PRKCI: variants seen among roughly 807,000 people sequenced by gnomAD.
PRKCI encodes the protein protein kinase C iota.
Under a neutral mutation model 84.0 loss-of-function variants are expected in PRKCI, and 43 were observed. That is an observed-to-expected ratio of 0.51 (90% CI 0.40 to 0.66). PRKCI has a LOEUF of 0.66. PRKCI is among the 30% of genes least tolerant of loss of function. The pLI, the probability that PRKCI is intolerant of heterozygous loss-of-function variation, is 0.00. For missense variants in PRKCI, 459 were observed against 745.6 expected (o/e 0.62, Z 4.48); for synonymous variants, 216 against 234.4 (o/e 0.92, Z 0.72).
chr3:170,275,319 C>T (rs1406462781), intron 8 of PRKCI, 32 bp downstream of exon 8: 3 of 1,561,620 alleles, frequency 1.9e-6, no homozygotes, highest in Non-Finnish European at 1.7e-6. Context: ...TACATTATAT[C>T]ATTAGCTTTT....
At chr3:170,258,071 G>A (rs1733633372) in intron 2 of PRKCI, among the ~76,000 whole-genome samples, 1 of 152,048 alleles carries the variant, frequency 6.6e-6, no homozygotes, top group Non-Finnish European at 1.5e-5. Context: ...AAGATAAAAG[G>A]AAGTAGGGAT....
At chr3:170,226,356 T>C (rs579909) in intron 1 of PRKCI, among the ~76,000 whole-genome samples, 84,370 of 152,100 alleles carry the variant, frequency 0.55, 24,331 homozygotes, top group East Asian at 0.73. Context: ...GGCCTTCAGT[T>C]ATTACCTAGT....
At chr3:170,276,518 G>A (rs780658547) in intron 8 of PRKCI, among the ~76,000 whole-genome samples, 1 of 151,044 alleles carries the variant, frequency 6.6e-6, no homozygotes, top group Non-Finnish European at 1.5e-5. Flanking sequence ...GTGCAGTGGT[G>A]CAATGATGGC....
At chr3:170,252,136 C>G (rs950058240) in intron 2 of PRKCI, among the ~76,000 whole-genome samples, 4 of 151,546 alleles carry the variant, frequency 2.6e-5, no homozygotes, top group African/African-American at 9.7e-5. Flanking sequence ...ATGGCATGAA[C>G]TTGGGAGGCG....
chr3:170,297,163 G>T lies in PRKCI; in HGVS notation c.1498-141G>T, dbSNP rs539404278. On this transcript the variant is annotated intron_variant, in intron 15 of 17. Transcript: ENST00000295797. ...AAATAACTCAATTTGTTCTGGAGTT[G>T]TACTTTCTAGAAATAAAAGGTAGAC... 123 of 646,062 alleles carry T rather than the reference G, an allele frequency of 1.9e-4. 2 individuals are homozygous for T. In the Admixed American group the frequency reaches 2.6e-3, roughly 14 times the overall value. 40.0% of individuals were successfully genotyped at this position (646,062 alleles called of 1,614,324 possible).
At chr3:170,273,783 C>G (rs1734051944) in intron 7 of PRKCI, among the ~76,000 whole-genome samples, 1 of 148,686 alleles carries the variant, frequency 6.7e-6, no homozygotes, top group African/African-American at 2.5e-5. Context: ...CCACTGCACT[C>G]TAGCCTGGGT....
chr3:170,272,928 C>T (rs1734034607), intron 6 of PRKCI, among the ~76,000 whole-genome samples: 1 of 152,022 alleles, frequency 6.6e-6, no homozygotes. Flanking sequence ...TACCCCGGAC[C>T]CCAGCTAAAG....
At chr3:170,300,583 C>CAA (rs569208737) in intron 17 of PRKCI, among the ~76,000 whole-genome samples, 46 of 132,482 alleles carry the variant, frequency 3.5e-4, no homozygotes, top group African/African-American at 1.2e-3. Flanking sequence ...CTTAAAGCCT[C>CAA]AAAAAAAAAA....
intron 17 of PRKCI, among the ~76,000 whole-genome samples, chr3:170,301,540 A>G (rs1734819278): frequency 6.6e-6 from 1 of 152,072 alleles, no homozygotes; most frequent in South Asian, 2.1e-4. Context: ...AATTCTGCTC[A>G]CGGTGTGTCC....
Position 170,287,280 on chromosome 3 carries a change from G to A in PRKCI, c.1203+2684G>A, listed in dbSNP as rs548840010. On this transcript the variant is annotated intron_variant, in intron 12 of 17. Transcript: ENST00000295797. ...TGGGGCTGTAGTGAGCTGTAATCGC[G>A]CCACTGCACTCCAGTCTGGGTGACA... Among the ~76,000 whole-genome samples, 224 of 151,894 alleles carry A rather than the reference G, an allele frequency of 1.5e-3. 2 individuals are homozygous for A. The highest frequency in any genetic ancestry group is 4.6e-3 in the African/African-American group (190 of 41,434).
At chr3:170,297,761 C>T (rs995579351) in intron 16 of PRKCI, among the ~76,000 whole-genome samples, 5 of 151,088 alleles carry the variant, frequency 3.3e-5, no homozygotes, top group African/African-American at 9.7e-5. Context: ...CGGCCTATCT[C>T]GGGCCAAATT....
chr3:170,267,675 CAAAAA>C (rs1169448041), intron 4 of PRKCI, among the ~76,000 whole-genome samples: 7 of 52,962 alleles, frequency 1.3e-4, no homozygotes, highest in African/African-American at 4.5e-4. Flanking sequence ...TCCATCTCAC[CAAAAA>C]AAAAAAAAAA....
intron 2 of PRKCI, among the ~76,000 whole-genome samples, chr3:170,242,424 G>C (rs1271881500): frequency 2.0e-5 from 3 of 148,504 alleles, no homozygotes; most frequent in Admixed American, 2.0e-4. Flanking sequence ...CTGGACCACA[G>C]AGTGAGACCC....
At chr3:170,276,040 C>T (rs555753423) in intron 8 of PRKCI, among the ~76,000 whole-genome samples, 8 of 148,996 alleles carry the variant, frequency 5.4e-5, no homozygotes, top group Admixed American at 1.4e-4. Flanking sequence ...CTCAAGTTAT[C>T]TTCCCACCTT....
intron 8 of PRKCI, 75 bp from the exon 9 acceptor site, chr3:170,280,152 C>A: frequency 8.0e-7 from 1 of 1,253,648 alleles, no homozygotes; most frequent in Non-Finnish European, 1.1e-6. Context: ...GTTATAGGTA[C>A]AACTAGGTGT....
At chr3:170,231,966 A>T (rs911230538) in intron 1 of PRKCI, among the ~76,000 whole-genome samples, 4 of 152,124 alleles carry the variant, frequency 2.6e-5, no homozygotes, top group Admixed American at 1.3e-4. Context: ...CTGCACTTCA[A>T]CCTGGGTGAC....
At chr3:170,245,644 C>G (rs6444905) in intron 2 of PRKCI, among the ~76,000 whole-genome samples, 3,199 of 152,228 alleles carry the variant, frequency 0.021, 53 homozygotes, top group East Asian at 0.085. Flanking sequence ...CACTTATGAT[C>G]CCCACACTGT....
intron 1 of PRKCI, 104 bp downstream of exon 1, chr3:170,222,874 G>T: frequency 4.4e-6 from 3 of 674,380 alleles, no homozygotes; most frequent in Non-Finnish European, 2.3e-6. Flanking sequence ...GGCGGATTGG[G>T]CTGGGCGGGC....
At chr3:170,301,128 T>TC (rs35482187) in intron 17 of PRKCI, among the ~76,000 whole-genome samples, 2 of 152,176 alleles carry the variant, frequency 1.3e-5, no homozygotes, top group Admixed American at 1.3e-4. Context: ...CAGTCTGATC[T>TC]CCCCAAAAGC....
Sources: gnomAD v4.1 joint callset for allele counts (sites outside exome capture counted in the v4.1 genomes callset) on GRCh38, gnomAD v4.1.1 for gene constraint, MANE v1.5 for transcripts, NCBI Gene and HGNC (gene_info 2026-07-23, HGNC 2026-07-21) for gene names.